The following PARG variants were observed in gnomAD, a reference collection of about 807,000 sequenced individuals.
The protein encoded by PARG is mitochondrial poly(ADP-ribose) glycohydrolase.
PARG carries 35 observed loss-of-function variants against 113.0 expected under a neutral mutation model. That is an observed-to-expected ratio of 0.31 (90% CI 0.24 to 0.41). The LOEUF (loss-of-function observed/expected upper bound fraction) is 0.41. Ranked by LOEUF, PARG falls within the 10% of genes least tolerant of loss-of-function variation. The probability of loss-of-function intolerance (pLI) is 1.00; values close to 1 mark genes in which losing one functional copy is unlikely to be tolerated. For missense variants in PARG, 797 were observed against 1,169.4 expected (o/e 0.68, Z 4.64); for synonymous variants, 330 against 409.9 (o/e 0.81, Z 2.36).
chr10:49,845,281 T>C (rs1391616797), intron 13 of PARG, among the ~76,000 whole-genome samples: 1 of 152,198 alleles, frequency 6.6e-6, no homozygotes, highest in East Asian at 1.9e-4. Context: ...ACTAAACAAA[T>C]ACTGAAAATG....
intron 4 of PARG, among the ~76,000 whole-genome samples, chr10:49,928,346 A>C (rs181540711): frequency 4.6e-4 from 70 of 152,316 alleles, no homozygotes; most frequent in African/African-American, 1.6e-3. Context: ...AGAACGTCCC[A>C]AAGGTGATTT....
intron 4 of PARG, among the ~76,000 whole-genome samples, chr10:49,931,693 CAAA>C (rs1191457420): frequency 2.4e-4 from 17 of 71,740 alleles, no homozygotes; most frequent in African/African-American, 5.2e-4. Context: ...TGGTCTCCAG[CAAA>C]AAAAAAAAAA....
intron 10 of PARG, among the ~76,000 whole-genome samples, chr10:49,866,275 G>C (rs1846509496): frequency 6.6e-6 from 1 of 151,970 alleles, no homozygotes; most frequent in South Asian, 2.1e-4. Flanking sequence ...TAAGGAAAGA[G>C]AGAGATGTCA....
At chr10:49,927,557 CAGA>C (rs1554850961) in intron 4 of PARG, among the ~76,000 whole-genome samples, 3 of 151,862 alleles carry the variant, frequency 2.0e-5, no homozygotes, top group African/African-American at 7.3e-5. Flanking sequence ...TTGTCACATA[CAGA>C]AGAACAGCCT....
chr10:49,935,103 T>C lies in PARG; in HGVS notation c.257A>G (p.Lys86Arg). 2 of 782,602 alleles carry C rather than the reference T, an allele frequency of 2.6e-6. No homozygotes were observed. The highest frequency in any genetic ancestry group is 3.0e-5 in the South Asian group (2 of 66,652). 48.5% of individuals were successfully genotyped at this position (782,602 alleles called of 1,614,324 possible). Residue 86 changes from lysine (K) to arginine (R), a missense_variant, in exon 2 of 18, where the codon AAA becomes AGA. Physicochemically the swap from Lys to Arg is conservative, Grantham distance 26. This residue lies in a region of PARG where 284 missense variants were observed against 306.1 expected (regional missense o/e 0.93). Transcript: ENST00000616448. ...QKTITSWMDT[K>R]GIKTAESESL... ...TTCTGATTCCGCTGTCTTGATTCCT[T>C]TAGTGTCCATCCAACTGGTAATAGT...
At position 49,819,025 on chromosome 10, in the gene PARG, C is replaced by G; in HGVS notation, c.*315G>C. ...ATATATGGGCAGGAAGAAAGAGACC[C>G]GACAGGCTGAGCACAACCTTCCATG... On this transcript the variant is annotated 3_prime_UTR_variant, in exon 18 of 18. Coordinates refer to ENST00000616448, the MANE Select transcript of PARG (RefSeq NM_003631.5). 1 of 191,818 alleles carries G rather than the reference C, an allele frequency of 5.2e-6. No individual in the cohort carries two copies. The highest frequency in any genetic ancestry group is 1.1e-5 in the Non-Finnish European group (1 of 93,860). 11.9% of individuals were successfully genotyped at this position (191,818 alleles called of 1,614,324 possible).
intron 13 of PARG, among the ~76,000 whole-genome samples, chr10:49,849,031 A>G (rs1416767901): frequency 6.6e-6 from 1 of 152,114 alleles, no homozygotes; most frequent in Non-Finnish European, 1.5e-5. Flanking sequence ...CCCCGTCTCT[A>G]CTAAAAATAC....
intron 15 of PARG, among the ~76,000 whole-genome samples, chr10:49,837,098 G>C (rs1265165955): frequency 6.6e-6 from 1 of 152,120 alleles, no homozygotes; most frequent in Non-Finnish European, 1.5e-5. Context: ...GTATGAGTTA[G>C]ATAGAAGGAG....
At chr10:49,864,293 C>T (rs1292968543) in intron 11 of PARG, among the ~76,000 whole-genome samples, 7 of 151,660 alleles carry the variant, frequency 4.6e-5, no homozygotes, top group Admixed American at 1.3e-4. Flanking sequence ...GGTCGCTTAA[C>T]CTTTTATCTA....
At chr10:49,833,585 A>G (rs2132405323) in intron 15 of PARG, among the ~76,000 whole-genome samples, 1 of 152,358 alleles carries the variant, frequency 6.6e-6, no homozygotes. Context: ...GAAAAGTACA[A>G]TATATTCTGA....
intron 16 of PARG, among the ~76,000 whole-genome samples, chr10:49,823,338 G>A (rs1844198555): frequency 6.6e-6 from 1 of 151,908 alleles, no homozygotes; most frequent in Non-Finnish European, 1.5e-5. Context: ...ATTTTAAGTT[G>A]AACCAGTAAA....
intron 3 of PARG, 108 bp from the exon 4 acceptor site, chr10:49,932,391 C>G (rs1231489893): frequency 1.4e-6 from 1 of 714,012 alleles, no homozygotes; most frequent in Admixed American, 2.2e-5. Flanking sequence ...GTATGCCATA[C>G]TTGGTCACTC....
intron 15 of PARG, among the ~76,000 whole-genome samples, chr10:49,833,822 A>G (rs1844785443): frequency 6.6e-6 from 1 of 152,238 alleles, no homozygotes; most frequent in South Asian, 2.1e-4. Flanking sequence ...AGCCTAAAAT[A>G]TAGCTTACAT....
intron 1 of PARG, among the ~76,000 whole-genome samples, chr10:49,940,654 G>A (rs1454038529): frequency 6.6e-6 from 1 of 152,144 alleles, no homozygotes; most frequent in African/African-American, 2.4e-5. Flanking sequence ...AGCCTCCCGA[G>A]TAGCTGGGAT....
intron 15 of PARG, 157 bp from the exon 16 acceptor site, chr10:49,833,065 G>C (rs1460104983): frequency 6.7e-6 from 3 of 451,108 alleles, no homozygotes; most frequent in Non-Finnish European, 1.2e-5. Context: ...CAAAGAGGGA[G>C]AAAGGGAGAG....
At chr10:49,885,637 G>C (rs2813069) in intron 7 of PARG, among the ~76,000 whole-genome samples, 1 of 152,194 alleles carries the variant, frequency 6.6e-6, no homozygotes, top group South Asian at 2.1e-4. Flanking sequence ...GCCCTTGGTT[G>C]TATCAACTAG....
intron 6 of PARG, among the ~76,000 whole-genome samples, chr10:49,920,152 T>G (rs1305831981): frequency 1.3e-5 from 2 of 151,608 alleles, no homozygotes; most frequent in East Asian, 3.9e-4. Flanking sequence ...GTATAAGGAG[T>G]TAGCTGGGAG....
intron 1 of PARG, 112 bp from the exon 2 acceptor site, chr10:49,935,254 C>A: frequency 3.4e-6 from 2 of 591,964 alleles, no homozygotes; most frequent in Non-Finnish European, 6.1e-6. Context: ...AGATTAATAA[C>A]TCAAGTATTT....
At chr10:49,911,205 C>A (rs1297972643) in intron 7 of PARG, among the ~76,000 whole-genome samples, 1 of 151,622 alleles carries the variant, frequency 6.6e-6, no homozygotes, top group Non-Finnish European at 1.5e-5. Context: ...ATCACTTGAA[C>A]CTGGGAGGCA....
Sources: gnomAD v4.1 joint callset for allele counts (sites outside exome capture counted in the v4.1 genomes callset) on GRCh38, gnomAD v4.1.1 for gene constraint, gnomAD v4.1.1 regional missense constraint, MANE v1.5 for transcripts, NCBI Gene and HGNC (gene_info 2026-07-23, HGNC 2026-07-21) for gene names.